The following LSAMP variants were observed in gnomAD, a reference collection of about 807,000 sequenced individuals.
LSAMP encodes the protein limbic system-associated membrane protein.
LSAMP carries 7 observed loss-of-function variants against 38.6 expected under a neutral mutation model. The observed-to-expected ratio is 0.18, with a 90% CI of 0.10 to 0.34. LSAMP has a LOEUF of 0.34. Ranked by LOEUF, LSAMP falls within the 10% of genes least tolerant of loss-of-function variation. The probability of loss-of-function intolerance (pLI) is 1.00; values close to 1 mark genes in which losing one functional copy is unlikely to be tolerated. For missense variants in LSAMP, 313 were observed against 420.0 expected (o/e 0.75, Z 2.23); for synonymous variants, 154 against 166.8 (o/e 0.92, Z 0.59).
Position 116,231,322 on chromosome 3 carries a change from C to G in LSAMP, c.156-144766G>C, listed in dbSNP as rs554573701. Among the ~76,000 whole-genome samples the G allele has an allele frequency of 8.5e-5, 13 of 152,262 alleles. No homozygotes were observed. The East Asian group carries it at 2.3e-3, about 27-fold the overall frequency. ...GCTTGGGTGTGAAAATCTGACTGTT[C>G]TCCATGCTGAAGCAAAGGCCCAGTG... is the stretch of plus-strand genomic sequence containing the variant. On this transcript the variant is annotated intron_variant, in intron 1 of 6. Transcript: ENST00000490035.
At chr3:116,248,041 C>G (rs2046625960) in intron 1 of LSAMP, among the ~76,000 whole-genome samples, 1 of 152,122 alleles carries the variant, frequency 6.6e-6, no homozygotes, top group East Asian at 1.9e-4. Flanking sequence ...TTAATGCTGA[C>G]ACTATTAATC....
At chr3:116,144,894 T>G (rs1278560351) in intron 1 of LSAMP, among the ~76,000 whole-genome samples, 1 of 151,986 alleles carries the variant, frequency 6.6e-6, no homozygotes, top group Non-Finnish European at 1.5e-5. Context: ...GAACTAATTA[T>G]GTAAAATAAT....
At chr3:116,389,317 C>T (rs551928842) in intron 1 of LSAMP, among the ~76,000 whole-genome samples, 42 of 152,136 alleles carry the variant, frequency 2.8e-4, no homozygotes, top group Non-Finnish European at 5.3e-4. Context: ...AGGTGCTAGT[C>T]TGTATGGGAG....
At chr3:116,342,797 G>A (rs1480597900) in intron 1 of LSAMP, among the ~76,000 whole-genome samples, 1 of 152,012 alleles carries the variant, frequency 6.6e-6, no homozygotes, top group Admixed American at 6.6e-5. Context: ...AGTTACAACG[G>A]TCCAAGATAT....
intron 1 of LSAMP, among the ~76,000 whole-genome samples, chr3:116,271,654 A>G (rs148728637): frequency 6.6e-6 from 1 of 152,182 alleles, no homozygotes; most frequent in Non-Finnish European, 1.5e-5. Context: ...AAACAAATGG[A>G]AACTTTTTCC....
chr3:116,287,295 C>T (rs905811370), intron 1 of LSAMP, among the ~76,000 whole-genome samples: 1 of 152,088 alleles, frequency 6.6e-6, no homozygotes, highest in East Asian at 1.9e-4. Context: ...TAGCACTCCT[C>T]TGTGATTTTC....
At chr3:116,191,081 G>A (rs771336620) in intron 1 of LSAMP, among the ~76,000 whole-genome samples, 11 of 152,074 alleles carry the variant, frequency 7.2e-5, no homozygotes, top group African/African-American at 9.7e-5. Flanking sequence ...AAATTAGCCC[G>A]GCGTGGTGAC....
chr3:116,315,317 C>T (rs747103131), intron 1 of LSAMP, among the ~76,000 whole-genome samples: 22 of 152,188 alleles, frequency 1.4e-4, no homozygotes, highest in Admixed American at 2.6e-4. Context: ...TGTACACTGT[C>T]TTCTTCCAAA....
chr3:116,334,125 C>G (rs1246927644), intron 1 of LSAMP, among the ~76,000 whole-genome samples: 1 of 151,720 alleles, frequency 6.6e-6, no homozygotes, highest in Non-Finnish European at 1.5e-5. Flanking sequence ...AATCAGATGC[C>G]AACAAATTAG....
chr3:116,295,785 C>T lies in LSAMP; in HGVS notation c.155+149092G>A, dbSNP rs2047323978. On this transcript the variant is annotated intron_variant, in intron 1 of 6. Coordinates refer to ENST00000490035, the MANE Select transcript of LSAMP (RefSeq NM_002338.5). ...AGTCCCAAAAAGGAAGCTTCTATGA[C>T]TATTTTGTTATGTAAATAGATGCAT... Among the ~76,000 whole-genome samples, 3 of 151,238 alleles carry T rather than the reference C, an allele frequency of 2.0e-5. No homozygotes were observed. In the East Asian group the frequency reaches 5.9e-4, roughly 30 times the overall value.
At chr3:115,813,061 A>C (rs752739629) in intron 6 of LSAMP, among the ~76,000 whole-genome samples, 3 of 152,126 alleles carry the variant, frequency 2.0e-5, no homozygotes, top group Non-Finnish European at 4.4e-5. Flanking sequence ...CATATTATTG[A>C]TCTTTTACAA....
intron 1 of LSAMP, among the ~76,000 whole-genome samples, chr3:116,087,163 GT>G (rs1708010456): frequency 6.6e-6 from 1 of 152,168 alleles, no homozygotes; most frequent in Non-Finnish European, 1.5e-5. Flanking sequence ...CATAAGTTTG[GT>G]TCCAGCTGCT....
intron 1 of LSAMP, among the ~76,000 whole-genome samples, chr3:116,341,726 T>C (rs2047998031): frequency 6.6e-6 from 1 of 152,002 alleles, no homozygotes; most frequent in African/African-American, 2.4e-5. Flanking sequence ...TGATCCATTA[T>C]GTTGGGGCAG....
chr3:116,232,547 T>C (rs1403776202), intron 1 of LSAMP, among the ~76,000 whole-genome samples: 1 of 152,086 alleles, frequency 6.6e-6, no homozygotes, highest in African/African-American at 2.4e-5. Context: ...AGAACCTACC[T>C]GGTTGCTTTA....
chr3:116,343,304 G>A (rs2048021649), intron 1 of LSAMP, among the ~76,000 whole-genome samples: 1 of 152,054 alleles, frequency 6.6e-6, no homozygotes, highest in South Asian at 2.1e-4. Flanking sequence ...GTTACAGAAA[G>A]GACAGGTTTG....
intron 3 of LSAMP, among the ~76,000 whole-genome samples, chr3:115,962,086 A>G (rs1464726486): frequency 2.0e-5 from 3 of 152,214 alleles, no homozygotes; most frequent in Non-Finnish European, 1.5e-5. Context: ...TTTTTTCTTC[A>G]AAATCACATA....
rs942771278 is a variant in LSAMP at position 115,918,694 on chromosome 3, T to C, written c.515-66077A>G. On this transcript the variant is annotated intron_variant, in intron 3 of 6. Coordinates refer to ENST00000490035, the MANE Select transcript of LSAMP (RefSeq NM_002338.5). The stretch of plus-strand genomic sequence containing the variant: ...CTTCATTTTTAGATTAGGGACAAAA[T>C]CTTAAAGAACAGGTTTTTTTTTTTT... 2.0e-5 allele frequency among the ~76,000 whole-genome samples: 3 copies of C among 147,514 alleles called. No homozygotes were observed. In the Admixed American group the frequency reaches 2.1e-4, roughly 10 times the overall value.
At position 116,075,284 on chromosome 3, in the gene LSAMP, G is replaced by A. The variant is rs146054340; in HGVS notation, c.388+11040C>T. On this transcript the variant is annotated intron_variant, in intron 2 of 6. Coordinates refer to ENST00000490035, the MANE Select transcript of LSAMP (RefSeq NM_002338.5). Reference sequence around the variant, plus strand: ...CCCAAGTAGCTGGGACTACAGGCACGTGCCACCACTCTTGGCTAATTTCTT... The same window carrying A: ...CCCAAGTAGCTGGGACTACAGGCACATGCCACCACTCTTGGCTAATTTCTT... 1.9e-3 allele frequency among the ~76,000 whole-genome samples: 283 copies of A among 150,456 alleles called. 1 individual carries two copies. Among genetic ancestry groups the A allele is most frequent in the African/African-American group, 6.6e-3 (271 of 40,982 alleles).
chr3:116,358,663 A>G (rs1373079517), intron 1 of LSAMP, among the ~76,000 whole-genome samples: 1 of 152,210 alleles, frequency 6.6e-6, no homozygotes, highest in African/African-American at 2.4e-5. Flanking sequence ...GATTTACTAG[A>G]TGAAAGACAT....
Sources: gnomAD v4.1 joint callset for allele counts (sites outside exome capture counted in the v4.1 genomes callset) on GRCh38, gnomAD v4.1.1 for gene constraint, MANE v1.5 for transcripts, NCBI Gene and HGNC (gene_info 2026-07-23, HGNC 2026-07-21) for gene names.